WDR41: variants seen among roughly 807,000 people sequenced by gnomAD.
WDR41 encodes the protein WD repeat domain 41.
Under a neutral mutation model 69.3 loss-of-function variants are expected in WDR41, and 63 were observed. The observed-to-expected ratio is 0.91, with a 90% confidence interval of 0.74 to 1.12. WDR41 has a LOEUF of 1.12. Ranked by LOEUF, WDR41 falls within the 50% of genes most tolerant of loss-of-function variation. The pLI is 0.00. For missense variants in WDR41, 543 were observed against 534.5 expected (o/e 1.02, Z -0.16); for synonymous variants, 185 against 192.1 (o/e 0.96, Z 0.31).
chr5:77,453,893 A>G lies in WDR41; in HGVS notation c.447T>C (p.Leu149=). 6.2e-7 allele frequency: 1 copy of G among 1,614,122 alleles called. No individual in the cohort carries two copies. The highest frequency in any genetic ancestry group is 8.5e-7 in the Non-Finnish European group (1 of 1,179,998). ...LTVLQRLDVW[L]SGGNDLCVWN... ...ACACACACAGGTCATTCCCACCAGA[A>G]AGCCAAACATCTAGTCTCTGAAGAA... Residue 149 remains leucine, a synonymous_variant, in exon 6 of 13, where the codon CTT becomes CTC. Coordinates refer to ENST00000296679, the MANE Select transcript of WDR41 (RefSeq NM_018268.4).
At chr5:77,539,391 C>G (rs552649174) in intron 1 of WDR41, among the ~76,000 whole-genome samples, 1 of 152,160 alleles carries the variant, frequency 6.6e-6, no homozygotes, top group African/African-American at 2.4e-5. Context: ...CTTTAATGTG[C>G]GTAAGAGTCA....
At chr5:77,471,642 A>T (rs557453951) in intron 2 of WDR41, among the ~76,000 whole-genome samples, 6 of 152,204 alleles carry the variant, frequency 3.9e-5, no homozygotes, top group Middle Eastern at 3.4e-3. Context: ...GAGAATACTA[A>T]AAACACCTCT....
chr5:77,475,074 G>A (rs956960344), intron 2 of WDR41, among the ~76,000 whole-genome samples: 1 of 152,148 alleles, frequency 6.6e-6, no homozygotes, highest in Non-Finnish European at 1.5e-5. Context: ...CTGGAAAATC[G>A]GGTCACTCCC....
intron 1 of WDR41, among the ~76,000 whole-genome samples, chr5:77,525,788 T>A (rs918463111): frequency 6.6e-6 from 1 of 152,086 alleles, no homozygotes; most frequent in East Asian, 1.9e-4. Context: ...TTTGAGCTCA[T>A]TTAGGACAAT....
chr5:77,491,634 C>A (rs1427483786), intron 1 of WDR41, among the ~76,000 whole-genome samples: 8 of 146,630 alleles, frequency 5.5e-5, no homozygotes, highest in African/African-American at 2.0e-4. Context: ...ATGTTCTTGA[C>A]CTTGAAGCAG....
At position 77,558,094 on chromosome 5, in the gene WDR41, T is replaced by TAAAAAAAA. The variant is rs71608105; in HGVS notation, c.42+62377_42+62384dup. 1.0e-3 allele frequency among the ~76,000 whole-genome samples: 107 copies of TAAAAAAAA among 104,242 alleles called. 6 individuals are homozygous for TAAAAAAAA. In the East Asian group the frequency reaches 0.01, roughly 10 times the overall value. The allele number at this position is 104,242 out of a possible 152,430, so 68.4% of individuals were successfully genotyped here. A position where few individuals can be genotyped will look rare whatever the true frequency, so the allele number is the denominator to read the frequency against. ...CATAGGGAACTTCAAATGTTCTTTT[T>TAAAAAAAA]AAAAAAAAAAAAAAAAAAAAAACAA... On this transcript the variant is annotated intron_variant, in intron 1 of 5. Transcript: ENST00000509971.
At chr5:77,568,005 G>A (rs142915333) in intron 1 of WDR41, among the ~76,000 whole-genome samples, 85 of 148,706 alleles carry the variant, frequency 5.7e-4, no homozygotes, top group African/African-American at 2.0e-3. Context: ...TTTTTTTCTT[G>A]TTCCACAACC....
intron 8 of WDR41, among the ~76,000 whole-genome samples, chr5:77,442,671 T>A (rs984342970): frequency 2.0e-5 from 3 of 151,918 alleles, no homozygotes; most frequent in Admixed American, 1.3e-4. Context: ...GGCAGGTGGA[T>A]CACGAGGTCT....
intron 1 of WDR41, among the ~76,000 whole-genome samples, chr5:77,602,328 C>T (rs546977637): frequency 7.2e-5 from 11 of 152,090 alleles, no homozygotes; most frequent in African/African-American, 2.2e-4. Context: ...TTGGTAGAGA[C>T]GGGGTTTCTC....
chr5:77,618,370 G>GT (rs35564512), intron 1 of WDR41, among the ~76,000 whole-genome samples: 2,143 of 147,196 alleles, frequency 0.015, 52 homozygotes, highest in African/African-American at 0.045. Flanking sequence ...GACTAAACAA[G>GT]TTTTTTTTTT....
chr5:77,576,797 C>T (rs980460284), intron 1 of WDR41, among the ~76,000 whole-genome samples: 1 of 152,152 alleles, frequency 6.6e-6, no homozygotes, highest in African/African-American at 2.4e-5. Flanking sequence ...TCCCTGCTCG[C>T]TCCTATCATC....
chr5:77,548,226 G>A (rs1021393723), intron 1 of WDR41, among the ~76,000 whole-genome samples: 3 of 152,140 alleles, frequency 2.0e-5, no homozygotes, highest in Non-Finnish European at 2.9e-5. Context: ...GCTTAGCCAA[G>A]GATTTCATGA....
intron 1 of WDR41, among the ~76,000 whole-genome samples, chr5:77,546,630 T>C (rs1743205857): frequency 6.6e-6 from 1 of 152,090 alleles, no homozygotes; most frequent in Non-Finnish European, 1.5e-5. Flanking sequence ...GAAATGGTAA[T>C]TTAAAAATTA....
intron 4 of WDR41, among the ~76,000 whole-genome samples, chr5:77,460,356 T>C (rs1800000505): frequency 6.6e-6 from 1 of 152,180 alleles, no homozygotes. Flanking sequence ...ACTGCTAGCA[T>C]ACAAAAAATG....
At chr5:77,513,131 G>A (rs1277822749) in intron 1 of WDR41, among the ~76,000 whole-genome samples, 1 of 152,056 alleles carries the variant, frequency 6.6e-6, no homozygotes, top group African/African-American at 2.4e-5. Flanking sequence ...ATATTCTTGG[G>A]ATAAACTATA....
chr5:77,453,708 A>C, intron 6 of WDR41, 109 bp downstream of exon 6: 1 of 811,028 alleles, frequency 1.2e-6, no homozygotes, highest in Non-Finnish European at 2.0e-6. Context: ...AGAACTGAAA[A>C]AGAAAAATCC....
At chr5:77,585,550 A>G (rs895952377) in intron 1 of WDR41, among the ~76,000 whole-genome samples, 3 of 152,226 alleles carry the variant, frequency 2.0e-5, no homozygotes, top group South Asian at 4.1e-4. Flanking sequence ...ACAATTCACA[A>G]TCGCAAAATC....
chr5:77,580,644 G>C (rs1743921397), intron 1 of WDR41, among the ~76,000 whole-genome samples: 1 of 151,614 alleles, frequency 6.6e-6, no homozygotes, highest in South Asian at 2.1e-4. Flanking sequence ...CAAAAGAAAT[G>C]GAAAAAAAAT....
intron 1 of WDR41, among the ~76,000 whole-genome samples, chr5:77,515,488 A>AT (rs533245377): frequency 2.6e-5 from 4 of 151,990 alleles, no homozygotes; most frequent in East Asian, 1.9e-4. Context: ...TACAGTTAAC[A>AT]TTTTTTTTAT....
Sources: gnomAD v4.1 joint callset for allele counts (sites outside exome capture counted in the v4.1 genomes callset) on GRCh38, gnomAD v4.1.1 for gene constraint, MANE v1.5 for transcripts, NCBI Gene and HGNC (gene_info 2026-07-23, HGNC 2026-07-21) for gene names.